Variants in CCT4 observed in about 807,000 individuals in gnomAD.
The protein encoded by CCT4 is chaperonin containing TCP1 subunit 4, also known as T-complex protein 1 subunit delta.
In CCT4, 17 loss-of-function variants were observed where a neutral mutation model predicts 62.5. The ratio of observed to expected loss-of-function variants is 0.27; its 90% CI spans 0.19 to 0.41. The LOEUF (loss-of-function observed/expected upper bound fraction) is 0.41, where lower values mean the gene tolerates loss of function less well. Ranked by LOEUF, CCT4 falls within the 10% of genes least tolerant of loss-of-function variation. The pLI, the probability that CCT4 is intolerant of heterozygous loss-of-function variation, is 1.00. For missense variants in CCT4, 592 were observed against 659.2 expected, an observed-to-expected ratio of 0.90 and a Z score of 1.12; for synonymous variants, 250 against 229.9, an observed-to-expected ratio of 1.09 and a Z score of -0.79.
intron 13 of CCT4, among the ~76,000 whole-genome samples, chr2:61,869,143 G>GAAAA (rs33947847): frequency 2.8e-5 from 2 of 70,716 alleles, no homozygotes; most frequent in African/African-American, 1.1e-4. Flanking sequence ...CTTCGTCTCA[G>GAAAA]AAAAAAAAAA....
At chr2:61,878,792 G>T in intron 5 of CCT4, 77 bp downstream of exon 5, 2 of 931,076 alleles carry the variant, frequency 2.1e-6, no homozygotes, top group Non-Finnish European at 1.6e-6. Context: ...TAGTATTTAT[G>T]TACCGTATAG....
intron 4 of CCT4, among the ~76,000 whole-genome samples, chr2:61,879,338 T>C (rs74576393): frequency 0.18 from 25,278 of 141,060 alleles, 2,600 homozygotes; most frequent in Middle Eastern, 0.29. Flanking sequence ...CTCAGCTCAC[T>C]ACAGCCTCAA....
At position 61,879,242 on chromosome 2, in the gene CCT4, A is replaced by T. The variant is rs533629666; in HGVS notation, c.380-231T>A. 2.7e-5 allele frequency among the ~76,000 whole-genome samples: 4 copies of T among 147,600 alleles called. No homozygotes were observed. In the South Asian group the frequency reaches 8.5e-4, roughly 31 times the overall value. ...CACACTTATTAATGGTCTTGACTAA[A>T]ACCAAATTTTATACTTTTTTTTTTT... On this transcript the variant is annotated intron_variant, in intron 4 of 13. Transcript: ENST00000394440.
chr2:61,871,804 C>T (rs1668889902), intron 12 of CCT4, among the ~76,000 whole-genome samples: 1 of 152,196 alleles, frequency 6.6e-6, no homozygotes, highest in African/African-American at 2.4e-5. Context: ...TATTAATCAT[C>T]CCTGTTTTTA....
At chr2:61,884,183 C>G (rs575327072) in intron 2 of CCT4, among the ~76,000 whole-genome samples, 2 of 152,296 alleles carry the variant, frequency 1.3e-5, no homozygotes, top group African/African-American at 4.8e-5. Flanking sequence ...TAATAGATAT[C>G]TATATTTGGG....
chr2:61,868,739 G>T lies in CCT4; in HGVS notation c.1606-33C>A, dbSNP rs749505745. ...GAGAAAAACTTAGATTTCAAAACCT[G>T]TAATGACAGAATTTTAAAGCTGGAA... On this transcript the variant is annotated intron_variant, in intron 13 of 13. Transcript: ENST00000394440. 32 of 1,500,486 alleles carry T rather than the reference G, an allele frequency of 2.1e-5. No individual in the cohort carries two copies. In the South Asian group the frequency reaches 3.6e-4, roughly 17 times the overall value. 92.9% of individuals were successfully genotyped at this position (1,500,486 alleles called of 1,614,324 possible).
rs751201618 is a variant in CCT4, at chr2:61,877,518, G to C, written c.523-4C>G. On this transcript the variant is annotated splice_polypyrimidine_tract_variant and splice_region_variant and intron_variant, in intron 5 of 13. Coordinates refer to ENST00000394440, the MANE Select transcript of CCT4 (RefSeq NM_006430.4). ...GACTTGAATACTGAGAAACCACCTA[G>C]AATTATTAAAAAAAAAAAAAAGTTA... The C allele has an allele frequency of 1.1e-5, 17 of 1,504,578 alleles. No homozygotes were observed. Among genetic ancestry groups the C allele is most frequent in the Admixed American group, 5.1e-5 (2 of 39,438 alleles). The allele number at this position is 1,504,578 out of a possible 1,614,324, so 93.2% of individuals were successfully genotyped here.
intron 8 of CCT4, among the ~76,000 whole-genome samples, chr2:61,873,723 A>G (rs992431408): frequency 2.6e-5 from 4 of 151,834 alleles, no homozygotes; most frequent in African/African-American, 9.7e-5. Context: ...CCGCCACCAC[A>G]CCTGGCTAAT....
chr2:61,873,519 A>G (rs955427615), intron 8 of CCT4, among the ~76,000 whole-genome samples: 1 of 152,114 alleles, frequency 6.6e-6, no homozygotes, highest in Non-Finnish European at 1.5e-5. Flanking sequence ...ATGACACTAT[A>G]AAACACACGA....
intron 1 of CCT4, among the ~76,000 whole-genome samples, chr2:61,886,402 A>G (rs1286523117): frequency 4.6e-5 from 7 of 152,196 alleles, no homozygotes; most frequent in Non-Finnish European, 7.4e-5. Flanking sequence ...ACAGAGCAAG[A>G]CAGACTCCAT....
Position 61,868,541 on chromosome 2 carries a change from T to C in CCT4, c.*151A>G, listed in dbSNP as rs1413968468. On this transcript the variant is annotated 3_prime_UTR_variant, in exon 14 of 14. Transcript: ENST00000394440. ...CAAATATTTAATATTTTCATTAAAT[T>C]GTTTCAATACAACTTCAGGCAAATG... is the stretch of plus-strand genomic sequence containing the variant. 7.4e-6 allele frequency: 4 copies of C among 542,688 alleles called. No homozygotes were observed. In the Admixed American group the frequency reaches 1.2e-4, roughly 17 times the overall value. The allele number at this position is 542,688 out of a possible 1,614,324, so 33.6% of individuals were successfully genotyped here.
chr2:61,887,721 T>C (rs544036282), intron 1 of CCT4, among the ~76,000 whole-genome samples: 1 of 152,240 alleles, frequency 6.6e-6, no homozygotes, highest in Non-Finnish European at 1.5e-5. Flanking sequence ...AAGCAGAGAA[T>C]GAAACTCTGG....
At chr2:61,878,377 T>C (rs991295975) in intron 5 of CCT4, among the ~76,000 whole-genome samples, 1 of 152,184 alleles carries the variant, frequency 6.6e-6, no homozygotes, top group South Asian at 2.1e-4. Context: ...GGTTCAAATC[T>C]CAGCTGTTTC....
intron 2 of CCT4, among the ~76,000 whole-genome samples, 190 bp downstream of exon 2, chr2:61,884,830 G>A (rs1572926883): frequency 6.6e-6 from 1 of 151,826 alleles, no homozygotes; most frequent in East Asian, 1.9e-4. Context: ...GTTTCTCCAT[G>A]TTGGTCAGGA....
At chr2:61,886,761 T>A (rs961925635) in intron 1 of CCT4, among the ~76,000 whole-genome samples, 2 of 152,048 alleles carry the variant, frequency 1.3e-5, no homozygotes, top group African/African-American at 4.8e-5. Flanking sequence ...GCCCCCAAAT[T>A]TATCTTTTTT....
At chr2:61,877,208 C>T (rs7571143) in intron 6 of CCT4, among the ~76,000 whole-genome samples, 156 bp from the exon 7 acceptor site, 90,743 of 151,966 alleles carry the variant, frequency 0.6, 27,730 homozygotes, top group Middle Eastern at 0.76. Flanking sequence ...TCCACTGCTG[C>T]CTTACTATCA....
chr2:61,876,824 T>C, intron 7 of CCT4, 96 bp downstream of exon 7: 1 of 1,062,754 alleles, frequency 9.4e-7, no homozygotes, highest in Non-Finnish European at 1.4e-6. Flanking sequence ...AGATCTGCTT[T>C]AAATCACTAG....
At chr2:61,868,903 GAGGCA>G in intron 13 of CCT4, 197 bp from the exon 14 acceptor site, 1 of 514,912 alleles carries the variant, frequency 1.9e-6, no homozygotes, top group Non-Finnish European at 3.5e-6. Context: ...TTGGGAGGCT[GAGGCA>G]GGTGGATCAC....
intron 2 of CCT4, among the ~76,000 whole-genome samples, chr2:61,884,062 C>A (rs1256088022): frequency 6.6e-6 from 1 of 151,266 alleles, no homozygotes; most frequent in Non-Finnish European, 1.5e-5. Context: ...GATGATCCTC[C>A]ATATTGTTTT....
Sources: allele counts gnomAD v4.1 joint callset (sites outside exome capture counted in the v4.1 genomes callset), GRCh38; gene constraint gnomAD v4.1.1; transcripts MANE v1.5; gene names NCBI Gene and HGNC (gene_info 2026-07-23, HGNC 2026-07-21).